Variants in NRXN1 observed in about 807,000 individuals in gnomAD.
NRXN1 encodes neurexin 1.
In NRXN1, 39 loss-of-function variants were observed where a neutral mutation model predicts 150.9. The ratio of observed to expected loss-of-function variants is 0.26; its 90% CI spans 0.20 to 0.34. The LOEUF is 0.34. Ranked by LOEUF, NRXN1 falls within the 10% of genes least tolerant of loss-of-function variation. NRXN1 has a pLI of 1.00. For missense variants in NRXN1, 1,815 were observed against 1,949.9 expected (o/e 0.93, Z 1.30); for synonymous variants, 924 against 757.0 (o/e 1.22, Z -3.62).
At chr2:50,013,684 G>A (rs1187547607) in intron 21 of NRXN1, among the ~76,000 whole-genome samples, 1 of 152,142 alleles carries the variant, frequency 6.6e-6, no homozygotes, top group African/African-American at 2.4e-5. Flanking sequence ...ACCCAGGTCT[G>A]AAACCACTTG....
chr2:50,865,761 G>T (rs1676843092), intron 5 of NRXN1, among the ~76,000 whole-genome samples: 1 of 144,396 alleles, frequency 6.9e-6, no homozygotes, highest in South Asian at 2.2e-4. Flanking sequence ...GGTGGTGGGG[G>T]GATGTACATA....
At chr2:50,147,401 T>A (rs1224913341) in intron 18 of NRXN1, among the ~76,000 whole-genome samples, 2 of 151,760 alleles carry the variant, frequency 1.3e-5, no homozygotes, top group African/African-American at 4.8e-5. Flanking sequence ...TATTTGTGAA[T>A]AACTAAAAAT....
intron 11 of NRXN1, among the ~76,000 whole-genome samples, chr2:50,530,446 A>G (rs2093068880): frequency 6.6e-6 from 1 of 152,200 alleles, no homozygotes; most frequent in South Asian, 2.1e-4. Context: ...AGTATAATTT[A>G]TAAAAATAAA....
At chr2:50,337,083 C>CTTTTTTT (rs768582035) in intron 17 of NRXN1, among the ~76,000 whole-genome samples, 4 of 133,084 alleles carry the variant, frequency 3.0e-5, no homozygotes, top group Non-Finnish European at 6.5e-5. Context: ...TTTTCTTTTT[C>CTTTTTTT]TTTTTTTTTT....
intron 17 of NRXN1, among the ~76,000 whole-genome samples, chr2:50,339,510 T>C (rs965395961): frequency 6.6e-6 from 1 of 152,166 alleles, no homozygotes; most frequent in African/African-American, 2.4e-5. Flanking sequence ...GAGAAACACC[T>C]TTCTATACTG....
At chr2:50,700,925 G>A (rs1031249127) in intron 5 of NRXN1, among the ~76,000 whole-genome samples, 4 of 151,736 alleles carry the variant, frequency 2.6e-5, no homozygotes, top group African/African-American at 4.8e-5. Context: ...CTCGGCCTCC[G>A]AAAGTGCTGG....
chr2:51,023,363 C>T (rs1193355525), intron 2 of NRXN1, among the ~76,000 whole-genome samples: 1 of 152,196 alleles, frequency 6.6e-6, no homozygotes, highest in African/African-American at 2.4e-5. Flanking sequence ...CCTGACCCCA[C>T]TCCTCTCAAG....
intron 8 of NRXN1, among the ~76,000 whole-genome samples, chr2:50,573,458 T>C (rs1558956836): frequency 6.6e-6 from 1 of 152,086 alleles, no homozygotes; most frequent in Admixed American, 6.6e-5. Flanking sequence ...TTTCTAAGTC[T>C]ATGTGGGAGT....
At chr2:50,731,023 T>C (rs1698037676) in intron 5 of NRXN1, among the ~76,000 whole-genome samples, 2 of 152,208 alleles carry the variant, frequency 1.3e-5, no homozygotes, top group African/African-American at 4.8e-5. Context: ...CTTTTAGCTT[T>C]ATCCTTGACT....
intron 5 of NRXN1, among the ~76,000 whole-genome samples, chr2:50,782,773 C>T (rs1199197054): frequency 6.6e-6 from 1 of 152,074 alleles, no homozygotes; most frequent in East Asian, 1.9e-4. Context: ...TGGTTCTAAA[C>T]CTAACAGTAG....
At chr2:50,617,435 T>TAA (rs879749052) in intron 8 of NRXN1, among the ~76,000 whole-genome samples, 6 of 139,142 alleles carry the variant, frequency 4.3e-5, no homozygotes, top group African/African-American at 1.6e-4. Flanking sequence ...CTCCATCTCT[T>TAA]AAAAAAAAAA....
At chr2:50,163,468 A>T (rs568518326) in intron 18 of NRXN1, among the ~76,000 whole-genome samples, 1 of 152,140 alleles carries the variant, frequency 6.6e-6, no homozygotes, top group Non-Finnish European at 1.5e-5. Context: ...TTTAAAGGTT[A>T]TCAAGGCTTT....
chr2:50,496,750 C>G (rs575440515), intron 14 of NRXN1, among the ~76,000 whole-genome samples: 1 of 152,028 alleles, frequency 6.6e-6, no homozygotes, highest in African/African-American at 2.4e-5. Context: ...TATTTATATC[C>G]GTGCATGGCA....
At chr2:50,790,488 G>A (rs949396198) in intron 5 of NRXN1, among the ~76,000 whole-genome samples, 10 of 152,098 alleles carry the variant, frequency 6.6e-5, no homozygotes, top group African/African-American at 2.4e-4. Context: ...AGGTGTGGTG[G>A]CAGGTACCTG....
chr2:50,788,934 T>A (rs1705546741), intron 5 of NRXN1, among the ~76,000 whole-genome samples: 1 of 152,084 alleles, frequency 6.6e-6, no homozygotes. Context: ...TGTAACTCCT[T>A]GATGGATGAC....
intron 17 of NRXN1, among the ~76,000 whole-genome samples, chr2:50,260,309 C>T (rs1239386611): frequency 6.6e-6 from 1 of 151,848 alleles, no homozygotes; most frequent in East Asian, 1.9e-4. Flanking sequence ...AAGACATTTG[C>T]TTGATATTTC....
At chr2:50,744,292 C>T (rs921634339) in intron 5 of NRXN1, among the ~76,000 whole-genome samples, 1 of 151,548 alleles carries the variant, frequency 6.6e-6, no homozygotes, top group African/African-American at 2.4e-5. Context: ...AAAGGAAATC[C>T]CCAATGTGGA....
At chr2:50,898,437 A>T (rs1048978137) in intron 5 of NRXN1, among the ~76,000 whole-genome samples, 5 of 152,174 alleles carry the variant, frequency 3.3e-5, no homozygotes, top group African/African-American at 1.2e-4. Context: ...GTCTAATCTT[A>T]AAAAGGACAC....
chr2:50,788,851 CATAAGCACTATG>C (rs918422355), intron 5 of NRXN1, among the ~76,000 whole-genome samples: 17 of 151,668 alleles, frequency 1.1e-4, no homozygotes, highest in Non-Finnish European at 2.4e-4. Flanking sequence ...GTAATTATCA[CATAAGCACTATG>C]ATAAGGGTAA....
Sources: gnomAD v4.1 joint callset for allele counts (sites outside exome capture counted in the v4.1 genomes callset) on GRCh38, gnomAD v4.1.1 for gene constraint, MANE v1.5 for transcripts, NCBI Gene and HGNC (gene_info 2026-07-23, HGNC 2026-07-21) for gene names.